SSX1: variants seen among roughly 807,000 people sequenced by gnomAD.
SSX1 encodes protein SSX1.
Under a neutral mutation model 14.6 loss-of-function variants are expected in SSX1, and 58 were observed. The ratio of observed to expected loss-of-function variants is 3.96; its 90% confidence interval spans 3.21 to 4.93. The LOEUF (loss-of-function observed/expected upper bound fraction) is 4.93, where lower values mean the gene tolerates loss of function less well. Among genes scored for constraint, SSX1 ranks in the 30% most tolerant of loss-of-function variants. The pLI, the probability that SSX1 is intolerant of heterozygous loss-of-function variation, is 0.00. For synonymous variants in SSX1, 46 were observed against 52.1 expected, an observed-to-expected ratio of 0.88 and a Z score of 0.50; for missense variants, 272 against 143.1, an observed-to-expected ratio of 1.90 and a Z score of -4.60.
intron 5 of SSX1, among the ~76,000 whole-genome samples, chrX:48,263,039 CAG>C (rs1436101608): frequency 3.6e-5 from 4 of 109,829 alleles, no homozygotes; most frequent in African/African-American, 1.3e-4. Context: ...GAGGCTGAGA[CAG>C]GGGAATCGCT....
In SSX1 at chrX:48,267,279, G is replaced by GA. The variant is rs57564453; in HGVS notation, c.*430_*431insA. 4.7e-6 allele frequency: 1 copy of GA among 214,629 alleles called. No homozygotes were observed. Among genetic ancestry groups the GA allele is most frequent in the African/African-American group, 3.1e-5 (1 of 31,799 alleles). The allele number at this position is 214,629 out of a possible 1,213,427, so 17.7% of individuals were successfully genotyped here. A position where few individuals can be genotyped will look rare whatever the true frequency, so the allele number is the denominator to read the frequency against. On this transcript the variant is annotated 3_prime_UTR_variant, in exon 8 of 8. Coordinates refer to ENST00000376919, the MANE Select transcript of SSX1 (RefSeq NM_005635.4). ...TTTACACACACACACACACACACACGCACACACACACACCAAGTACCAGTA... is the reference window on the plus strand; with the variant it reads ...TTTACACACACACACACACACACACGACACACACACACACCAAGTACCAGTA...
chrX:48,263,746 C>T lies in SSX1; in HGVS notation c.331-36C>T, dbSNP rs782769629. On this transcript the variant is annotated intron_variant, in intron 5 of 7. Transcript: ENST00000376919. ...GCTCTAAAGCACTATAGAAATGTCA[C>T]TGATACTGTTTATCTGTAACCTTCA... 8.3e-6 allele frequency: 10 copies of T among 1,208,797 alleles called. No homozygotes were observed. In the East Asian group the frequency reaches 3.0e-4, roughly 36 times the overall value.
At chrX:48,264,009 C>T (rs1357280132) in intron 6 of SSX1, 92 bp downstream of exon 6, 1 of 1,145,757 alleles carries the variant, frequency 8.7e-7, no homozygotes, top group African/African-American at 1.8e-5. Flanking sequence ...CCCAGACAAG[C>T]CTGGGTCCAG....
intron 4 of SSX1, among the ~76,000 whole-genome samples, chrX:48,258,949 C>G (rs1556935013): frequency 9.0e-6 from 1 of 110,740 alleles, no homozygotes; most frequent in Non-Finnish European, 1.9e-5. Context: ...GCTGCACAGA[C>G]AGCTTCAGTC....
At chrX:48,265,042 C>T (rs1453914381) in intron 6 of SSX1, among the ~76,000 whole-genome samples, 4 of 112,044 alleles carry the variant, frequency 3.6e-5, no homozygotes, top group Admixed American at 2.9e-4. Flanking sequence ...GAAGAGAGTT[C>T]AGGTCTTGCT....
At chrX:48,266,042 G>C (rs1272973295) in intron 6 of SSX1, among the ~76,000 whole-genome samples, 6 of 112,002 alleles carry the variant, frequency 5.4e-5, no homozygotes, top group African/African-American at 1.9e-4. Flanking sequence ...GTTCCCGTAA[G>C]TGAAGAGGTT....
chrX:48,259,628 A>G (rs2059596998), intron 4 of SSX1, among the ~76,000 whole-genome samples: 1 of 109,693 alleles, frequency 9.1e-6, no homozygotes, highest in South Asian at 4.0e-4. Context: ...CAGTCCCCAG[A>G]GTGTGATGTT....
chrX:48,262,586 A>C (rs185185097), intron 5 of SSX1, among the ~76,000 whole-genome samples: 3 of 111,372 alleles, frequency 2.7e-5, no homozygotes, highest in Admixed American at 1.9e-4. Context: ...GAGAAGCCCC[A>C]GTCCCAGCCC....
At chrX:48,257,392 G>A in intron 2 of SSX1, 82 bp downstream of exon 2, 2 of 1,181,767 alleles carry the variant, frequency 1.7e-6, no homozygotes, top group Non-Finnish European at 1.1e-6. Flanking sequence ...GAGGACAGAG[G>A]TACTGGGGAC....
chrX:48,256,383 G>GC (rs1272477091), intron 1 of SSX1, among the ~76,000 whole-genome samples: 3 of 102,893 alleles, frequency 2.9e-5, no homozygotes, highest in Admixed American at 1.1e-4. Flanking sequence ...CAAGCGATCC[G>GC]CCCCCCCTTG....
intron 6 of SSX1, among the ~76,000 whole-genome samples, chrX:48,264,646 C>G (rs782342878): frequency 9.0e-6 from 1 of 111,716 alleles, no homozygotes; most frequent in Non-Finnish European, 1.9e-5. Context: ...CTTAAAAGAA[C>G]ACAACAATGA....
intron 3 of SSX1, 79 bp from the exon 4 acceptor site, chrX:48,258,457 G>A: frequency 4.1e-6 from 3 of 735,598 alleles, no homozygotes; most frequent in Non-Finnish European, 6.4e-6. Flanking sequence ...GCCTCCCAAA[G>A]TGCCGGTACT....
chrX:48,264,838 T>C (rs1278167827), intron 6 of SSX1, among the ~76,000 whole-genome samples: 8 of 112,966 alleles, frequency 7.1e-5, no homozygotes, highest in Non-Finnish European at 1.1e-4. Context: ...ATTGAAAATC[T>C]GTTGTTTAGT....
rs189222467 is a variant in SSX1, at chrX:48,263,840, C to G, written c.389C>G (p.Ser130Cys). The change falls in exon 6 of 8, where the codon TCT becomes TGT. Residue 130 changes from serine to cysteine, a missense_variant. By Grantham distance (112) the Ser-to-Cys change is moderately radical (BLOSUM62 -1). Transcript: ENST00000376919. Reference protein sequence around the residue: ...ENDSKGVSEASGPQNDGKQLH... With the variant: ...ENDSKGVSEACGPQNDGKQLH... ...GATTCGAAGGGAGTGTCAGAAGCAT[C>G]TGGCCCACAAAACGATGGGAAACAA... 3.3e-6 allele frequency: 4 copies of G among 1,210,005 alleles called. No individual in the cohort carries two copies. Among genetic ancestry groups the G allele is most frequent in the Non-Finnish European group, 3.4e-6 (3 of 895,155 alleles).
intron 6 of SSX1, among the ~76,000 whole-genome samples, chrX:48,265,564 G>A (rs1461933937): frequency 3.6e-5 from 4 of 110,844 alleles, no homozygotes; most frequent in African/African-American, 1.3e-4. Flanking sequence ...TGGAGTTCCT[G>A]TTACCCCCAG....
At chrX:48,260,526 G>A (rs1372335859) in intron 4 of SSX1, among the ~76,000 whole-genome samples, 1 of 111,531 alleles carries the variant, frequency 9.0e-6, no homozygotes, top group Non-Finnish European at 1.9e-5. Flanking sequence ...AAGTTAGGCA[G>A]GAGAAGGAAA....
chrX:48,255,781 T>A (rs1382992367), intron 1 of SSX1, among the ~76,000 whole-genome samples: 2 of 106,360 alleles, frequency 1.9e-5, no homozygotes, highest in Non-Finnish European at 3.9e-5. Context: ...TATTTTTTAT[T>A]TTTTTAGTAC....
chrX:48,256,482 T>G (rs12556454), intron 1 of SSX1, among the ~76,000 whole-genome samples: 20,964 of 62,815 alleles, frequency 0.33, 4,136 homozygotes, highest in Non-Finnish European at 0.39. Flanking sequence ...TTTTTTTTTG[T>G]AGAGATGAGG....
At position 48,263,743 on chromosome X, in the gene SSX1, T is replaced by C. The variant is rs1425810508; in HGVS notation, c.331-39T>C. The C allele has an allele frequency of 1.6e-5, 19 of 1,206,000 alleles. No homozygotes were observed. In the Admixed American group the frequency reaches 3.3e-4, roughly 21 times the overall value. On this transcript the variant is annotated intron_variant, in intron 5 of 7. Coordinates refer to ENST00000376919, the MANE Select transcript of SSX1 (RefSeq NM_005635.4). The stretch of plus-strand genomic sequence containing the variant: ...TAAGCTCTAAAGCACTATAGAAATG[T>C]CACTGATACTGTTTATCTGTAACCT...
Sources: gnomAD v4.1 joint callset for allele counts (sites outside exome capture counted in the v4.1 genomes callset) on GRCh38, gnomAD v4.1.1 for gene constraint, MANE v1.5 for transcripts, NCBI Gene and HGNC (gene_info 2026-07-23, HGNC 2026-07-21) for gene names.